MUC17: variants seen among roughly 807,000 people sequenced by gnomAD.
The protein encoded by MUC17 is mucin 17, cell surface associated.
MUC17 carries 190 observed loss-of-function variants against 170.3 expected under a neutral mutation model. The observed-to-expected ratio is 1.12, with a 90% CI of 0.99 to 1.26. The LOEUF is 1.26. Ranked by LOEUF, MUC17 falls within the 50% of genes most tolerant of loss-of-function variation. The pLI, the probability that MUC17 is intolerant of heterozygous loss-of-function variation, is 0.00. For missense variants in MUC17, 6,415 were observed against 5,530.0 expected, an observed-to-expected ratio of 1.16 and a Z score of -5.08; for synonymous variants, 2,325 against 2,002.5, an observed-to-expected ratio of 1.16 and a Z score of -4.30.
chr7:101,031,252 G>A lies in MUC17; in HGVS notation c.184+31G>A, dbSNP rs377521393. On this transcript the variant is annotated intron_variant, in intron 2 of 12. Coordinates refer to ENST00000306151, the MANE Select transcript of MUC17 (RefSeq NM_001040105.2). ...GCAACAGACTCCAAGATCTATCTGG[G>A]AAGGTGGCTCACCTGCGAAAGGGCT... 61 of 1,597,362 alleles carry A rather than the reference G, an allele frequency of 3.8e-5. No homozygotes were observed. In the African/African-American group the frequency reaches 6.7e-4, roughly 18 times the overall value.
At chr7:101,044,564 C>A (rs1390667934) in intron 3 of MUC17, among the ~76,000 whole-genome samples, 1 of 152,174 alleles carries the variant, frequency 6.6e-6, no homozygotes, top group Non-Finnish European at 1.5e-5. Context: ...ACAAGTTCCC[C>A]TTTTTTGAAC....
At position 101,033,509 on chromosome 7, in the gene MUC17, C is replaced by A; in HGVS notation, c.2093C>A (p.Thr698Lys). The A allele has an allele frequency of 2.5e-6, 4 of 1,613,540 alleles. No individual in the cohort carries two copies. Among genetic ancestry groups the A allele is most frequent in the Non-Finnish European group, 3.4e-6 (4 of 1,179,866 alleles). Reference protein sequence around the residue: ...TPLTSMPVNTTLVASSEASTL... With the variant: ...TPLTSMPVNTKLVASSEASTL... The stretch of plus-strand genomic sequence containing the variant: ...TTAACAAGTATGCCTGTCAACACCA[C>A]ACTGGTGGCCAGTTCTGAGGCTAGC... Residue 698 changes from threonine (T) to lysine (K), a missense_variant, in exon 3 of 13, where the codon ACA becomes AAA. By Grantham distance (78) the Thr-to-Lys change is moderately conservative. Coordinates refer to ENST00000306151, the MANE Select transcript of MUC17 (RefSeq NM_001040105.2).
In MUC17 at chr7:101,042,152, C is replaced by A; in HGVS notation, c.10736C>A (p.Thr3579Lys). 6.2e-7 allele frequency: 1 copy of A among 1,614,232 alleles called. No homozygotes were observed. Among genetic ancestry groups the A allele is most frequent in the Non-Finnish European group, 8.5e-7 (1 of 1,180,044 alleles). Residue 3579 changes from threonine to lysine, a missense_variant, in exon 3 of 13, where the codon ACA becomes AAA. By Grantham distance (78) the Thr-to-Lys change is moderately conservative. Coordinates refer to ENST00000306151, the MANE Select transcript of MUC17 (RefSeq NM_001040105.2). ...STPSEGSSSLTTMLLSSTYVT... is the reference protein window; with the variant it reads ...STPSEGSSSLKTMLLSSTYVT... ...CCAAGTGAAGGAAGCTCTTCATTAA[C>A]AACTATGCTCCTCAGCAGCACATAT...
chr7:101,030,369 C>A (rs1274889846), intron 1 of MUC17, among the ~76,000 whole-genome samples: 1 of 151,786 alleles, frequency 6.6e-6, no homozygotes, highest in Non-Finnish European at 1.5e-5. Flanking sequence ...ACTACAGGTG[C>A]ACATGCCACC....
rs759069428 is a variant in MUC17 at position 101,042,735 on chromosome 7, C to T, written c.11319C>T (p.Thr3773=). 1.4e-5 allele frequency: 22 copies of T among 1,613,700 alleles called. No homozygotes were observed. The highest frequency in any genetic ancestry group is 8.5e-7 in the Non-Finnish European group (1 of 1,180,020). Residue 3773 remains threonine (T), a synonymous_variant, in exon 3 of 13, where the codon ACC becomes ACT. Transcript: ENST00000306151. ...TTACGAGGTTTCCTGAGAGTAGCAC[C>T]CCTTCCATACCATCTGTTTACACCA... ...TPVTRFPESS[T]PSIPSVYTSM... is the part of the protein sequence containing the mutation.
At chr7:101,026,266 G>C (rs751524207) in intron 1 of MUC17, among the ~76,000 whole-genome samples, 4 of 152,238 alleles carry the variant, frequency 2.6e-5, no homozygotes, top group Non-Finnish European at 5.9e-5. Flanking sequence ...CCAGGCCCAG[G>C]CAGGGACAGG....
chr7:101,049,062 T>G, intron 5 of MUC17, 90 bp downstream of exon 5: 1 of 1,574,772 alleles, frequency 6.4e-7, no homozygotes, highest in African/African-American at 1.3e-5. Context: ...GCTGTTCCCT[T>G]GTTAGATGTG....
chr7:101,044,976 G>C (rs1300583660), intron 3 of MUC17, among the ~76,000 whole-genome samples: 1 of 152,116 alleles, frequency 6.6e-6, no homozygotes, highest in African/African-American at 2.4e-5. Flanking sequence ...GTGTTTTGCT[G>C]TCCTTATGTA....
chr7:101,047,648 G>A (rs1361337332), intron 3 of MUC17, among the ~76,000 whole-genome samples: 2 of 152,058 alleles, frequency 1.3e-5, no homozygotes, highest in Admixed American at 6.6e-5. Flanking sequence ...TGGCCAAACT[G>A]GTGAAACCCC....
In MUC17 at chr7:101,035,151, C is replaced by A; in HGVS notation, c.3735C>A (p.Asp1245Glu). 2 of 1,611,106 alleles carry A rather than the reference C, an allele frequency of 1.2e-6. No individual in the cohort carries two copies. The highest frequency in any genetic ancestry group is 1.7e-6 in the Non-Finnish European group (2 of 1,178,626). Residue 1245 changes from aspartate (D) to glutamate (E), a missense_variant, in exon 3 of 13, where the codon GAC (aspartate) becomes GAA (glutamate). Transcript: ENST00000306151. ...GCACCCTTTCAACATCTCCCGTTGACACCAGCACACCTGTGACCACTTCTG... is the reference window on the plus strand; with the variant it reads ...GCACCCTTTCAACATCTCCCGTTGAAACCAGCACACCTGTGACCACTTCTG... ...EASTLSTSPV[D>E]TSTPVTTSAE... is the part of the protein sequence containing the mutation.
chr7:101,041,647 G>A lies in MUC17; in HGVS notation c.10231G>A (p.Val3411Met). 1 of 1,614,030 alleles carries A rather than the reference G, an allele frequency of 6.2e-7. No homozygotes were observed. The highest frequency in any genetic ancestry group is 1.1e-5 in the South Asian group (1 of 91,068). ...AAGTATGCCTGTCAGCACCACGCCG[G>A]TGGTCAGTTCTGAGGTTAACACCCT... The part of the protein sequence containing the change: ...LASMPVSTTP[V>M]VSSEVNTLST... Residue 3411 changes from valine (V) to methionine (M), a missense_variant, in exon 3 of 13, where the codon GTG (valine) becomes ATG (methionine). Physicochemically the swap from Val to Met is conservative, Grantham distance 21 (BLOSUM62 1). Coordinates refer to ENST00000306151, the MANE Select transcript of MUC17 (RefSeq NM_001040105.2).
At chr7:101,057,916 C>T in intron 12 of MUC17, 87 bp from the exon 13 acceptor site, 1 of 1,118,040 alleles carries the variant, frequency 8.9e-7, no homozygotes. Context: ...TTAAACAGAA[C>T]ACTTCCTATC....
At chr7:101,022,782 C>A (rs1264865055) in intron 1 of MUC17, among the ~76,000 whole-genome samples, 1 of 152,060 alleles carries the variant, frequency 6.6e-6, no homozygotes, top group Non-Finnish European at 1.5e-5. Context: ...CACTACTGCA[C>A]TCCAGCCTGG....
Position 101,035,267 on chromosome 7 carries a change from C to T in MUC17, c.3851C>T (p.Pro1284Leu). 1 of 1,609,166 alleles carries T rather than the reference C, an allele frequency of 6.2e-7. No homozygotes were observed. Among genetic ancestry groups the T allele is most frequent in the Non-Finnish European group, 8.5e-7 (1 of 1,176,504 alleles). The change falls in exon 3 of 13, where the codon CCT becomes CTT. Residue 1284 changes from proline (P) to leucine (L), a missense_variant. Pro to Leu is a moderately conservative substitution (Grantham distance 98). Coordinates refer to ENST00000306151, the MANE Select transcript of MUC17 (RefSeq NM_001040105.2). ...SEGSTLLTSI[P>L]VSTTLVTSPE... ...GGAAGTACTCTATTAACAAGTATAC[C>T]TGTCAGCACCACGCTGGTGACCAGT... is the stretch of plus-strand genomic sequence containing the variant.
intron 3 of MUC17, among the ~76,000 whole-genome samples, chr7:101,047,106 A>T (rs994622705): frequency 2.6e-5 from 4 of 151,270 alleles, no homozygotes; most frequent in Non-Finnish European, 5.9e-5. Context: ...AAATAAATAA[A>T]TAAATAAATA....
chr7:101,036,116 C>T lies in MUC17; in HGVS notation c.4700C>T (p.Thr1567Ile), dbSNP rs888864129. ...TADGTSMQTS[T>I]YSEGSTPLTS... The stretch of plus-strand genomic sequence containing the variant: ...GACGGTACCAGCATGCAAACCTCAA[C>T]TTATAGTGAAGGAAGCACTCCACTA... Residue 1567 changes from threonine (T) to isoleucine (I), a missense_variant, in exon 3 of 13, where the codon ACT (threonine) becomes ATT (isoleucine). Coordinates refer to ENST00000306151, the MANE Select transcript of MUC17 (RefSeq NM_001040105.2). 2 of 1,612,120 alleles carry T rather than the reference C, an allele frequency of 1.2e-6. No individual in the cohort carries two copies. Among genetic ancestry groups the T allele is most frequent in the Non-Finnish European group, 1.7e-6 (2 of 1,178,598 alleles).
chr7:101,049,371 C>A lies in MUC17; in HGVS notation c.12711C>A (p.Ile4237=), dbSNP rs377406523. The change falls in exon 6 of 13, where the codon ATC becomes ATA. Residue 4237 remains isoleucine (I), a synonymous_variant. Transcript: ENST00000306151. The part of the protein sequence containing the change: ...SGIPEYVGVN[I]TKLRLGSVVV... ...TCCCTGAGTATGTCGGGGTGAACAT[C>A]ACAAAGCTACGGTAAGTGTCTGGGC... The A allele has an allele frequency of 6.2e-7, 1 of 1,612,726 alleles. No individual in the cohort carries two copies. The highest frequency in any genetic ancestry group is 8.5e-7 in the Non-Finnish European group (1 of 1,179,312).
At position 101,047,858 on chromosome 7, in the gene MUC17, C is replaced by T. The variant is rs572567420; in HGVS notation, c.12404-126C>T. On this transcript the variant is annotated intron_variant, in intron 3 of 12. Transcript: ENST00000306151. ...AAAAACAAACAAATTAGACAGTGTC[C>T]GTGCAAACGCATTGTAAGCTGTAAA... The T allele has an allele frequency of 2.5e-5, 29 of 1,152,814 alleles. No homozygotes were observed. The Admixed American group carries it at 3.6e-4, about 14-fold the overall frequency. 71.4% of individuals were successfully genotyped at this position (1,152,814 alleles called of 1,614,324 possible). A position where few individuals can be genotyped will look rare whatever the true frequency, so the allele number is the denominator to read the frequency against.
In MUC17 at chr7:101,035,012, C is replaced by T. The variant is rs755593735; in HGVS notation, c.3596C>T (p.Ser1199Leu). The T allele has an allele frequency of 1.2e-6, 2 of 1,614,128 alleles. No homozygotes were observed. Among genetic ancestry groups the T allele is most frequent in the South Asian group, 2.2e-5 (2 of 91,082 alleles). The change falls in exon 3 of 13, where the codon TCA (serine) becomes TTA (leucine). Residue 1199 changes from serine (S) to leucine (L), a missense_variant. Transcript: ENST00000306151. ...GTGGCCACTTCTACTGAAGCCAGTT[C>T]ACCTCCTCCAACTGCTGAAGTTACC... ...TQVATSTEASSPPPTAEVTSM... is the reference protein window; with the variant it reads ...TQVATSTEASLPPPTAEVTSM...
Sources: allele counts gnomAD v4.1 joint callset (sites outside exome capture counted in the v4.1 genomes callset), GRCh38; gene constraint gnomAD v4.1.1; transcripts MANE v1.5; gene names NCBI Gene and HGNC (gene_info 2026-07-23, HGNC 2026-07-21).